The following SDHA variants were observed in gnomAD, a reference collection of about 807,000 sequenced individuals.
The protein encoded by SDHA is succinate dehydrogenase [ubiquinone] flavoprotein subunit, mitochondrial.
SDHA carries 48 observed loss-of-function variants against 78.4 expected under a neutral mutation model. The observed-to-expected ratio is 0.61, with a 90% CI of 0.49 to 0.78. SDHA has a LOEUF of 0.78. SDHA is among the 30% of genes least tolerant of loss of function. The probability of loss-of-function intolerance (pLI) is 0.00; values close to 1 mark genes in which losing one functional copy is unlikely to be tolerated. For missense variants in SDHA, 680 were observed against 892.7 expected, an observed-to-expected ratio of 0.76 and a Z score of 3.04; for synonymous variants, 326 against 353.9, an observed-to-expected ratio of 0.92 and a Z score of 0.88.
the SDHA span, among the ~76,000 whole-genome samples, chr5:263,796 TTGGCAGCATCTAACAAAAGTATG>T: frequency 6.6e-6 from 1 of 152,224 alleles, no homozygotes; most frequent in African/African-American, 2.4e-5. Context: ...GGAAGAGGAT[TTGGCAGCATCTAACAAAAGTATG>T]TGGCATTTGC....
chr5:245,749 A>C (rs914402314), intron 11 of SDHA, among the ~76,000 whole-genome samples: 10 of 152,232 alleles, frequency 6.6e-5, no homozygotes, highest in African/African-American at 2.4e-4. Flanking sequence ...GGATCAATTG[A>C]AAACATTAAA....
At chr5:247,512 C>T (rs965988598) in intron 11 of SDHA, among the ~76,000 whole-genome samples, 4 of 152,206 alleles carry the variant, frequency 2.6e-5, no homozygotes, top group South Asian at 2.1e-4. Context: ...CAGCAGTACC[C>T]GGAAAGAAGC....
rs1235568944 is a variant in SDHA, at chr5:256,853, G to A, written c.*433G>A. On this transcript the variant is annotated 3_prime_UTR_variant, in exon 15 of 15. Coordinates refer to ENST00000264932, the MANE Select transcript of SDHA (RefSeq NM_004168.4). ...CTTTTTTTTTTTTGAGACAGGATCG[G>A]TGCAGTAGTACAATCACAGCTCACT... Among the ~76,000 whole-genome samples, 2 of 140,326 alleles carry A rather than the reference G, an allele frequency of 1.4e-5. No individual in the cohort carries two copies. Among genetic ancestry groups the A allele is most frequent in the Non-Finnish European group, 3.0e-5 (2 of 66,706 alleles). 92.1% of individuals were successfully genotyped at this position (140,326 alleles called of 152,430 possible).
chr5:251,106 G>C lies in SDHA; in HGVS notation c.1663+3G>C, dbSNP rs751904543. The C allele has an allele frequency of 1.4e-5, 22 of 1,611,152 alleles. No homozygotes were observed. Among genetic ancestry groups the C allele is most frequent in the Admixed American group, 3.3e-5 (2 of 60,000 alleles). Reference sequence around the variant, plus strand: ...GCACCTGAAGACGTTCGACCGGGGTGAGCAGACAGTGGGCTCTGTGCACAC... The same window carrying C: ...GCACCTGAAGACGTTCGACCGGGGTCAGCAGACAGTGGGCTCTGTGCACAC... On this transcript the variant is annotated splice_donor_region_variant and intron_variant, in intron 12 of 14. Transcript: ENST00000264932.
chr5:226,056 GC>G lies in SDHA; in HGVS notation c.621+14del. On this transcript the variant is annotated intron_variant, in intron 5 of 14. Transcript: ENST00000264932. ...ACACCTTATATGGAAGGGTAAGGCC[GC>G]CCCCGTCCACCTGAGACAGGACACG... 1.2e-6 allele frequency: 2 copies of G among 1,614,018 alleles called. No homozygotes were observed. The highest frequency in any genetic ancestry group is 1.7e-6 in the Non-Finnish European group (2 of 1,179,952).
intron 13 of SDHA, among the ~76,000 whole-genome samples, chr5:254,050 AT>A (rs1187511805): frequency 6.8e-6 from 1 of 147,026 alleles, no homozygotes; most frequent in East Asian, 2.0e-4. Flanking sequence ...CAAAAAAAAA[AT>A]TTTTTTTTAA....
At chr5:236,085 T>A in intron 9 of SDHA, 1 of 359,972 alleles carries the variant, frequency 2.8e-6, no homozygotes. Context: ...AGAGCAGTGG[T>A]GCGATCTCAG....
At chr5:228,677 A>G (rs777588858) in intron 6 of SDHA, among the ~76,000 whole-genome samples, 1 of 152,220 alleles carries the variant, frequency 6.6e-6, no homozygotes, top group Non-Finnish European at 1.5e-5. Context: ...TGGGTACTGT[A>G]TTGATACTGA....
chr5:255,627 G>A (rs1023591385), intron 14 of SDHA, among the ~76,000 whole-genome samples: 4 of 151,960 alleles, frequency 2.6e-5, no homozygotes, highest in African/African-American at 9.7e-5. Flanking sequence ...ATGTTTTGTA[G>A]AGATGGGGTT....
rs1734993975 is a variant in SDHA, at chr5:225,974, G to A, written c.548G>A (p.Gly183Asp). Reference protein sequence around the residue: ...FGGQSLKFGKGGQAHRCCCVA... With the variant: ...FGGQSLKFGKDGQAHRCCCVA... Reference sequence around the variant, plus strand: ...GGACAGAGCCTCAAGTTTGGAAAGGGCGGGCAGGCCCATCGGTGCTGCTGT... The same window carrying A: ...GGACAGAGCCTCAAGTTTGGAAAGGACGGGCAGGCCCATCGGTGCTGCTGT... Residue 183 changes from glycine to aspartate, a missense_variant, in exon 5 of 15, where the codon GGC becomes GAC. By Grantham distance (94) the Gly-to-Asp change is moderately conservative. Coordinates refer to ENST00000264932, the MANE Select transcript of SDHA (RefSeq NM_004168.4). The A allele has an allele frequency of 1.2e-6, 2 of 1,614,142 alleles. No individual in the cohort carries two copies. The highest frequency in any genetic ancestry group is 1.3e-5 in the African/African-American group (1 of 75,046).
In SDHA at chr5:252,296, G is replaced by A. The variant is rs576573430; in HGVS notation, c.1794+828G>A. Among the ~76,000 whole-genome samples the A allele has an allele frequency of 9.5e-4, 119 of 124,672 alleles. 25 individuals are homozygous for A. Among genetic ancestry groups the A allele is most frequent in the African/African-American group, 4.9e-3 (114 of 23,204 alleles). The allele number at this position is 124,672 out of a possible 152,430, so 81.8% of individuals were successfully genotyped here. A position where few individuals can be genotyped will look rare whatever the true frequency, so the allele number is the denominator to read the frequency against. On this transcript the variant is annotated intron_variant, in intron 13 of 14. Transcript: ENST00000264932. ...AGGAAATGCCCGTTTATTAAATAAC[G>A]AGTAAGCCACCGTTTCAAGCCTGCC...
chr5:239,338 G>A (rs1735992599), intron 10 of SDHA, among the ~76,000 whole-genome samples: 1 of 152,162 alleles, frequency 6.6e-6, no homozygotes, highest in African/African-American at 2.4e-5. Context: ...CAAGGCAGGT[G>A]GCTCACCTGA....
At chr5:222,436 C>G (rs558129686) in intron 1 of SDHA, among the ~76,000 whole-genome samples, 3 of 151,538 alleles carry the variant, frequency 2.0e-5, no homozygotes, top group African/African-American at 7.3e-5. Context: ...CAGCCTCTGC[C>G]TTCTGGGTTC....
intron 11 of SDHA, chr5:250,416 A>C (rs1366033369): frequency 1.1e-5 from 2 of 179,638 alleles, no homozygotes; most frequent in Admixed American, 1.1e-4. Flanking sequence ...TCATCACAGT[A>C]AAACTATGAA....
downstream of SDHA, among the ~76,000 whole-genome samples, chr5:261,555 G>T (rs1305768787): frequency 2.6e-5 from 1 of 37,826 alleles, no homozygotes; most frequent in South Asian, 9.9e-4. Flanking sequence ...TCCCGTCAGA[G>T]CATTACCGTG....
At chr5:229,514 ACTG>A (rs1469843877) in intron 6 of SDHA, among the ~76,000 whole-genome samples, 52 of 152,370 alleles carry the variant, frequency 3.4e-4, no homozygotes, top group African/African-American at 1.2e-3. Flanking sequence ...AAAGACAGAT[ACTG>A]CATGTCACTC....
intron 14 of SDHA, 124 bp from the exon 15 acceptor site, chr5:256,210 C>A: frequency 1.3e-6 from 1 of 784,798 alleles, no homozygotes; most frequent in East Asian, 2.5e-5. Context: ...TTGTAAAGCA[C>A]TGAGAATCTT....
At chr5:227,741 G>T in intron 5 of SDHA, 1 of 254,346 alleles carries the variant, frequency 3.9e-6, no homozygotes, top group Non-Finnish European at 7.7e-6. Flanking sequence ...ACATGGGGCT[G>T]TTGCTAATGT....
rs1205057178 is a variant in SDHA, at chr5:256,451, C to T, written c.*31C>T. The T allele has an allele frequency of 4.5e-6, 7 of 1,547,114 alleles. No homozygotes were observed. Among genetic ancestry groups the T allele is most frequent in the Non-Finnish European group, 6.3e-6 (7 of 1,119,482 alleles). On this transcript the variant is annotated 3_prime_UTR_variant, in exon 15 of 15. Coordinates refer to ENST00000264932, the MANE Select transcript of SDHA (RefSeq NM_004168.4). ...CAAGATGTGGTGATGACAGAATCAG[C>T]TTTTGTAATTATGTATAATAGCTCA...
Sources: allele counts gnomAD v4.1 joint callset (sites outside exome capture counted in the v4.1 genomes callset), GRCh38; gene constraint gnomAD v4.1.1; transcripts MANE v1.5; gene names NCBI Gene and HGNC (gene_info 2026-07-23, HGNC 2026-07-21).